SH3PXD2A: variants seen among roughly 807,000 people sequenced by gnomAD.
SH3PXD2A encodes the protein SH3 and PX domains 2A.
SH3PXD2A carries 32 observed loss-of-function variants against 115.2 expected under a neutral mutation model. That is an observed-to-expected ratio of 0.28 (90% CI 0.21 to 0.37). SH3PXD2A has a LOEUF of 0.37. Ranked by LOEUF, SH3PXD2A falls within the 10% of genes least tolerant of loss-of-function variation. SH3PXD2A has a pLI of 1.00. For missense variants in SH3PXD2A, 1,328 were observed against 1,498.7 expected (o/e 0.89, Z 1.88); for synonymous variants, 610 against 629.1 (o/e 0.97, Z 0.45).
chr10:103,802,095 T>C (rs1402971525), intron 1 of SH3PXD2A, among the ~76,000 whole-genome samples: 1 of 152,214 alleles, frequency 6.6e-6, no homozygotes, highest in African/African-American at 2.4e-5. Context: ...GACCCCGCTC[T>C]CTGAAATTCT....
intron 5 of SH3PXD2A, among the ~76,000 whole-genome samples, chr10:103,723,869 C>T (rs1277912543): frequency 2.0e-5 from 3 of 152,192 alleles, no homozygotes; most frequent in African/African-American, 7.2e-5. Context: ...AGTTTTCATC[C>T]TGGGCAGTGC....
At chr10:103,803,281 C>T (rs991922858) in intron 1 of SH3PXD2A, among the ~76,000 whole-genome samples, 3 of 151,972 alleles carry the variant, frequency 2.0e-5, no homozygotes, top group Non-Finnish European at 2.9e-5. Context: ...AAAAGGCCAC[C>T]CCTATCTTCA....
chr10:103,773,783 GGCTGGAGT>G lies in SH3PXD2A; in HGVS notation c.154-6622_154-6615del, dbSNP rs548170427. ...GACAGGGTCGAGCTTTTGTTTCCTA[GGCTGGAGT>G]GCAGTGGCACAATCCCAGCTCACTG... On this transcript the variant is annotated intron_variant, in intron 2 of 14. Coordinates refer to ENST00000369774, the MANE Select transcript of SH3PXD2A (RefSeq NM_001394015.1). 8.2e-3 allele frequency among the ~76,000 whole-genome samples: 1,250 copies of G among 152,152 alleles called. 22 individuals are homozygous for G. Among genetic ancestry groups the G allele is most frequent in the African/African-American group, 0.028 (1,176 of 41,492 alleles).
intron 5 of SH3PXD2A, among the ~76,000 whole-genome samples, chr10:103,704,593 G>A (rs1490421675): frequency 3.3e-5 from 5 of 152,216 alleles, no homozygotes; most frequent in African/African-American, 1.2e-4. Context: ...GGACCAAGAG[G>A]CTGACTTAAT....
intron 4 of SH3PXD2A, among the ~76,000 whole-genome samples, chr10:103,730,232 C>CTTTT (rs67561170): frequency 8.5e-6 from 1 of 118,262 alleles, no homozygotes; most frequent in Non-Finnish European, 1.8e-5. Flanking sequence ...TTTCTCGTTT[C>CTTTT]TTTTTTTTTT....
chr10:103,639,972 G>A (rs576537445), intron 8 of SH3PXD2A, among the ~76,000 whole-genome samples: 15 of 152,202 alleles, frequency 9.9e-5, no homozygotes, highest in African/African-American at 3.4e-4. Context: ...ATGCTCAGGG[G>A]AACAAAAAGG....
At chr10:103,615,253 AG>A (rs2036493219) in intron 11 of SH3PXD2A, among the ~76,000 whole-genome samples, 1 of 152,100 alleles carries the variant, frequency 6.6e-6, no homozygotes, top group African/African-American at 2.4e-5. Flanking sequence ...CTATGGGGAG[AG>A]GGGGCTCATG....
At chr10:103,739,211 G>A (rs942868539) in intron 3 of SH3PXD2A, among the ~76,000 whole-genome samples, 3 of 152,292 alleles carry the variant, frequency 2.0e-5, no homozygotes, top group Non-Finnish European at 2.9e-5. Flanking sequence ...ACAGGACCCC[G>A]CCCTGCCCTC....
intron 14 of SH3PXD2A, among the ~76,000 whole-genome samples, chr10:103,604,682 C>T (rs925074601): frequency 6.6e-6 from 1 of 152,182 alleles, no homozygotes; most frequent in Non-Finnish European, 1.5e-5. Flanking sequence ...AAGAAGAGAC[C>T]AGTCCTCTGC....
intron 3 of SH3PXD2A, among the ~76,000 whole-genome samples, chr10:103,751,753 G>C (rs1461534079): frequency 6.6e-6 from 1 of 152,142 alleles, no homozygotes; most frequent in Non-Finnish European, 1.5e-5. Context: ...GCTAGAGATG[G>C]GTGCAAGAGA....
chr10:103,767,272 C>A, intron 2 of SH3PXD2A, 103 bp from the exon 3 acceptor site: 1 of 815,722 alleles, frequency 1.2e-6, no homozygotes, highest in Admixed American at 2.0e-5. Flanking sequence ...AGTGTCCTCA[C>A]ACGGATGAGT....
intron 4 of SH3PXD2A, among the ~76,000 whole-genome samples, chr10:103,734,268 T>C (rs541809215): frequency 1.7e-4 from 26 of 152,352 alleles, no homozygotes; most frequent in African/African-American, 6.0e-4. Flanking sequence ...CTCAAGATTT[T>C]TGAGTCAGGA....
intron 6 of SH3PXD2A, among the ~76,000 whole-genome samples, chr10:103,670,160 A>G (rs1592292427): frequency 6.6e-6 from 1 of 151,720 alleles, no homozygotes; most frequent in Admixed American, 6.6e-5. Flanking sequence ...GTGTAGAACT[A>G]GAAAGCCTGG....
intron 3 of SH3PXD2A, among the ~76,000 whole-genome samples, chr10:103,755,755 G>A (rs768951990): frequency 2.0e-5 from 3 of 152,114 alleles, no homozygotes; most frequent in Non-Finnish European, 4.4e-5. Flanking sequence ...CCCCCTACCC[G>A]CTGAGAAGTT....
intron 3 of SH3PXD2A, 123 bp downstream of exon 3, chr10:103,766,971 C>T (rs755656520): frequency 3.9e-5 from 27 of 694,020 alleles, no homozygotes; most frequent in Non-Finnish European, 6.4e-5. Context: ...GGGAATTGTT[C>T]ATATGCAGAT....
At chr10:103,824,723 C>A (rs2039412511) in intron 1 of SH3PXD2A, among the ~76,000 whole-genome samples, 1 of 152,172 alleles carries the variant, frequency 6.6e-6, no homozygotes, top group Non-Finnish European at 1.5e-5. Flanking sequence ...AAATGTACAC[C>A]AGGACCTGAA....
chr10:103,686,833 C>T (rs750156147), intron 6 of SH3PXD2A, among the ~76,000 whole-genome samples: 1 of 151,262 alleles, frequency 6.6e-6, no homozygotes, highest in Non-Finnish European at 1.5e-5. Flanking sequence ...CTGCAACCTC[C>T]ACCTCCTGGG....
At chr10:103,661,907 C>A (rs1256558318) in intron 7 of SH3PXD2A, 3 of 985,162 alleles carry the variant, frequency 3.0e-6, no homozygotes, top group Non-Finnish European at 3.6e-6. Context: ...GCCCAGCCCG[C>A]CCCCCGCCAA....
At chr10:103,816,916 C>T (rs2039328988) in intron 1 of SH3PXD2A, among the ~76,000 whole-genome samples, 2 of 151,842 alleles carry the variant, frequency 1.3e-5, no homozygotes, top group Non-Finnish European at 2.9e-5. Flanking sequence ...CTGCAACCTC[C>T]ACCTCCCTGG....
Sources: gnomAD v4.1 joint callset for allele counts (sites outside exome capture counted in the v4.1 genomes callset) on GRCh38, gnomAD v4.1.1 for gene constraint, MANE v1.5 for transcripts, NCBI Gene and HGNC (gene_info 2026-07-23, HGNC 2026-07-21) for gene names.